Variants in PRKG1 observed in about 807,000 individuals in gnomAD.
The protein encoded by PRKG1 is protein kinase cGMP-dependent 1.
PRKG1 carries 35 observed loss-of-function variants against 88.1 expected under a neutral mutation model. The observed-to-expected ratio is 0.40, with a 90% CI of 0.30 to 0.53. The LOEUF (loss-of-function observed/expected upper bound fraction) is 0.53. Ranked by LOEUF, PRKG1 falls within the 20% of genes least tolerant of loss-of-function variation. The pLI is 0.59. For synonymous variants in PRKG1, 303 were observed against 292.5 expected, an observed-to-expected ratio of 1.04 and a Z score of -0.37; for missense variants, 540 against 839.8, an observed-to-expected ratio of 0.64 and a Z score of 4.41.
At chr10:51,678,695 A>T (rs1216512825) in intron 3 of PRKG1, among the ~76,000 whole-genome samples, 1 of 152,230 alleles carries the variant, frequency 6.6e-6, no homozygotes, top group Non-Finnish European at 1.5e-5. Context: ...ATTTTACATT[A>T]ACCAGAAAAC....
intron 2 of PRKG1, among the ~76,000 whole-genome samples, chr10:51,376,723 G>A (rs1057411056): frequency 1.6e-4 from 25 of 152,248 alleles, no homozygotes; most frequent in Admixed American, 4.6e-4. Flanking sequence ...AGCCCAGGCT[G>A]GAGTGCAAGG....
At position 52,150,149 on chromosome 10, in the gene PRKG1, AAAT is replaced by A. The variant is rs67354776; in HGVS notation, c.1002-11706_1002-11704del. Among the ~76,000 whole-genome samples, 9 of 82,400 alleles carry A rather than the reference AAAT, an allele frequency of 1.1e-4. No individual in the cohort carries two copies. The South Asian group carries it at 2.5e-3, about 23-fold the overall frequency. The allele number at this position is 82,400 out of a possible 152,430, so 54.1% of individuals were successfully genotyped here. A position where few individuals can be genotyped will look rare whatever the true frequency, so the allele number is the denominator to read the frequency against. ...GGCAACAGAGCAAGACTCCATCTCA[AAAT>A]AATAATAATAATAATAATAATAATA... On this transcript the variant is annotated intron_variant, in intron 8 of 17. Transcript: ENST00000373980.
chr10:51,111,408 G>A (rs927278330), intron 1 of PRKG1, among the ~76,000 whole-genome samples: 2 of 152,048 alleles, frequency 1.3e-5, no homozygotes. Flanking sequence ...TTTATCCTTT[G>A]TTACAAACAA....
At chr10:51,212,203 C>G (rs1385406535) in intron 2 of PRKG1, among the ~76,000 whole-genome samples, 7 of 151,896 alleles carry the variant, frequency 4.6e-5, no homozygotes, top group Non-Finnish European at 1.0e-4. Flanking sequence ...CTGAGAAAAA[C>G]AAGCAATGGG....
chr10:52,203,414 G>A (rs1839728507), intron 9 of PRKG1, among the ~76,000 whole-genome samples: 1 of 152,130 alleles, frequency 6.6e-6, no homozygotes, highest in Non-Finnish European at 1.5e-5. Flanking sequence ...AAAATTTGTT[G>A]AGAATTATTT....
chr10:52,003,296 C>A (rs1274687467), intron 5 of PRKG1, among the ~76,000 whole-genome samples: 1 of 152,162 alleles, frequency 6.6e-6, no homozygotes, highest in South Asian at 2.1e-4. Flanking sequence ...ACCTATGATG[C>A]AGCTTTCTGA....
chr10:52,029,371 T>C (rs904606477), intron 5 of PRKG1, among the ~76,000 whole-genome samples: 2 of 152,170 alleles, frequency 1.3e-5, no homozygotes, highest in South Asian at 2.1e-4. Context: ...AAAGTGCTAT[T>C]AGAGAGGACA....
chr10:51,322,570 C>T (rs1322829708), intron 2 of PRKG1, among the ~76,000 whole-genome samples: 1 of 152,182 alleles, frequency 6.6e-6, no homozygotes, highest in Non-Finnish European at 1.5e-5. Context: ...TCAATAACTA[C>T]ACTTTCACTA....
intron 9 of PRKG1, among the ~76,000 whole-genome samples, chr10:52,166,918 T>C (rs199612889): frequency 3.3e-4 from 39 of 118,088 alleles, no homozygotes; most frequent in East Asian, 2.8e-3. Flanking sequence ...CACACACACA[T>C]ATATATAAGC....
chr10:51,246,126 T>C (rs1839282675), intron 2 of PRKG1, among the ~76,000 whole-genome samples: 1 of 152,070 alleles, frequency 6.6e-6, no homozygotes, highest in Admixed American at 6.6e-5. Flanking sequence ...CCACTGTCCT[T>C]GAGATTTGCA....
chr10:52,134,205 G>A (rs1017591505), intron 8 of PRKG1, among the ~76,000 whole-genome samples: 1 of 152,078 alleles, frequency 6.6e-6, no homozygotes, highest in Non-Finnish European at 1.5e-5. Context: ...TTTGAGTAAA[G>A]CATTTGTCCA....
intron 1 of PRKG1, among the ~76,000 whole-genome samples, chr10:51,102,851 C>T (rs1449858875): frequency 6.6e-6 from 1 of 152,100 alleles, no homozygotes; most frequent in Non-Finnish European, 1.5e-5. Flanking sequence ...CATACACACA[C>T]ACAGAGACAG....
At chr10:51,878,866 T>C (rs1415978019) in intron 4 of PRKG1, among the ~76,000 whole-genome samples, 1 of 152,168 alleles carries the variant, frequency 6.6e-6, no homozygotes, top group African/African-American at 2.4e-5. Flanking sequence ...CACACACATA[T>C]TGACTTTAAT....
At chr10:51,699,143 G>C in intron 3 of PRKG1, 1 of 1,614,176 alleles carries the variant, frequency 6.2e-7, no homozygotes, top group Non-Finnish European at 8.5e-7. Context: ...CTGCTCCGGG[G>C]GGAGACTGGC....
At chr10:51,533,617 T>TAAAAAAAAAAAAAAAAAAAAAAAATAA (rs34738901) in intron 3 of PRKG1, among the ~76,000 whole-genome samples, 1 of 142,854 alleles carries the variant, frequency 7.0e-6, no homozygotes, top group Non-Finnish European at 1.5e-5. Context: ...CTAAAAGCTT[T>TAAAAAAAAAAAAAAAAAAAAAAAATAA]AAAAAAAAAA....
chr10:51,110,940 C>T (rs1451800413), intron 1 of PRKG1, among the ~76,000 whole-genome samples: 1 of 152,100 alleles, frequency 6.6e-6, no homozygotes, highest in Admixed American at 6.6e-5. Context: ...ATAGTCAACC[C>T]TCTAACTGTA....
At chr10:51,095,141 A>T (rs190384200) in intron 1 of PRKG1, among the ~76,000 whole-genome samples, 96 of 152,242 alleles carry the variant, frequency 6.3e-4, no homozygotes, top group Middle Eastern at 3.4e-3. Context: ...AGGGTTTATG[A>T]TCTATAGTAA....
chr10:51,417,401 G>T (rs1425116614), intron 2 of PRKG1, among the ~76,000 whole-genome samples: 1 of 152,150 alleles, frequency 6.6e-6, no homozygotes, highest in East Asian at 1.9e-4. Flanking sequence ...TAAAGATGAA[G>T]AATATGAAAG....
intron 3 of PRKG1, among the ~76,000 whole-genome samples, chr10:51,744,470 C>T (rs1837526475): frequency 1.3e-5 from 2 of 152,160 alleles, no homozygotes; most frequent in Non-Finnish European, 2.9e-5. Flanking sequence ...AGAATGAAGA[C>T]TAGGGCCCAG....
Sources: gnomAD v4.1 joint callset for allele counts (sites outside exome capture counted in the v4.1 genomes callset) on GRCh38, gnomAD v4.1.1 for gene constraint, MANE v1.5 for transcripts, NCBI Gene and HGNC (gene_info 2026-07-23, HGNC 2026-07-21) for gene names.